Variants in TMEM178B observed in about 807,000 individuals in gnomAD.
The protein encoded by TMEM178B is transmembrane protein 178B.
A neutral mutation model predicts 31.0 loss-of-function variants in TMEM178B; 5 were observed. The ratio of observed to expected loss-of-function variants is 0.16; its 90% CI spans 0.08 to 0.34. The LOEUF is 0.34. Ranked by LOEUF, TMEM178B falls within the 10% of genes least tolerant of loss-of-function variation. The pLI is 1.00. For missense variants in TMEM178B, 275 were observed against 400.3 expected (o/e 0.69, Z 2.67); for synonymous variants, 164 against 164.0 (o/e 1.00, Z 0.00).
At chr7:141,302,390 A>T (rs1798743440) in intron 2 of TMEM178B, among the ~76,000 whole-genome samples, 1 of 152,240 alleles carries the variant, frequency 6.6e-6, no homozygotes, top group African/African-American at 2.4e-5. Flanking sequence ...TTATATGAGT[A>T]TGCATAGTTA....
rs923148158 is a variant in TMEM178B at position 141,478,429 on chromosome 7, A to C, written c.*7643A>C. 6.6e-6 allele frequency: 1 copy of C among 152,154 alleles called. No individual in the cohort carries two copies. Among genetic ancestry groups the C allele is most frequent in the Non-Finnish European group, 1.5e-5 (1 of 68,038 alleles). The allele number at this position is 152,154 out of a possible 1,614,324, so 9.4% of individuals were successfully genotyped here. On this transcript the variant is annotated 3_prime_UTR_variant, in exon 4 of 4. Coordinates refer to ENST00000565468, the MANE Select transcript of TMEM178B (RefSeq NM_001195278.2). ...ATGATTAGAGGCACCTTCAATCCCA[A>C]CTTTCCTCTCCTCTGCTGGGTCACA...
At chr7:141,340,773 G>A (rs1303332949) in intron 2 of TMEM178B, among the ~76,000 whole-genome samples, 1 of 152,106 alleles carries the variant, frequency 6.6e-6, no homozygotes, top group East Asian at 1.9e-4. Context: ...GGTCATTGAC[G>A]GATTTTATAA....
chr7:141,419,584 A>G (rs1801162957), intron 2 of TMEM178B, among the ~76,000 whole-genome samples: 4 of 152,202 alleles, frequency 2.6e-5, no homozygotes, highest in Admixed American at 6.5e-5. Flanking sequence ...AGAGAAAACA[A>G]AAACCTAACC....
chr7:141,467,708 TG>T (rs1212541631), intron 3 of TMEM178B, among the ~76,000 whole-genome samples: 1 of 152,218 alleles, frequency 6.6e-6, no homozygotes, highest in East Asian at 1.9e-4. Flanking sequence ...GCCCAGTATC[TG>T]GGGCTTCATT....
intron 2 of TMEM178B, among the ~76,000 whole-genome samples, chr7:141,262,733 A>G (rs895637996): frequency 6.6e-6 from 1 of 152,098 alleles, no homozygotes; most frequent in African/African-American, 2.4e-5. Flanking sequence ...ATGCAATTTA[A>G]AGGAAAGCCA....
At chr7:141,445,326 A>G (rs1417520448) in intron 3 of TMEM178B, among the ~76,000 whole-genome samples, 1 of 152,212 alleles carries the variant, frequency 6.6e-6, no homozygotes, top group Non-Finnish European at 1.5e-5. Flanking sequence ...ATACAAGCCT[A>G]AAATGAGAAG....
intron 2 of TMEM178B, among the ~76,000 whole-genome samples, chr7:141,436,028 C>T (rs1801531782): frequency 2.0e-5 from 3 of 152,158 alleles, no homozygotes; most frequent in Non-Finnish European, 4.4e-5. Context: ...CCAACTTCCT[C>T]CCTGGCCGGG....
chr7:141,354,763 G>A (rs1799790544), intron 2 of TMEM178B, among the ~76,000 whole-genome samples: 2 of 151,962 alleles, frequency 1.3e-5, no homozygotes, highest in Admixed American at 6.6e-5. Context: ...TTCCATTTCT[G>A]TGTCCTTTGT....
intron 2 of TMEM178B, among the ~76,000 whole-genome samples, chr7:141,269,517 A>G (rs1370023448): frequency 6.6e-6 from 1 of 152,226 alleles, no homozygotes; most frequent in Admixed American, 6.5e-5. Context: ...GATGAACTGA[A>G]TGGCTGATAT....
chr7:141,446,654 A>G (rs1164060836), intron 3 of TMEM178B, among the ~76,000 whole-genome samples: 1 of 152,116 alleles, frequency 6.6e-6, no homozygotes, highest in Non-Finnish European at 1.5e-5. Context: ...CCAGTCCAGG[A>G]CCAAAAGAGT....
intron 3 of TMEM178B, among the ~76,000 whole-genome samples, chr7:141,452,873 C>T (rs1196157748): frequency 6.6e-6 from 1 of 152,150 alleles, no homozygotes; most frequent in African/African-American, 2.4e-5. Context: ...CATTGTGGCT[C>T]CCAGTTATTA....
intron 1 of TMEM178B, among the ~76,000 whole-genome samples, chr7:141,173,679 T>C (rs553984131): frequency 6.6e-6 from 1 of 152,322 alleles, no homozygotes; most frequent in South Asian, 2.1e-4. Flanking sequence ...TGAATTTGTG[T>C]TGAGGGAAGG....
rs190782573 is a variant in TMEM178B at position 141,087,658 on chromosome 7, G to A, written c.382+12966G>A. Among the ~76,000 whole-genome samples the A allele has an allele frequency of 5.3e-5, 8 of 152,292 alleles. No individual in the cohort carries two copies. The East Asian group carries it at 9.6e-4, about 18-fold the overall frequency. ...TGAGAATTGATAAAAAAGAAATAGAGTATATTTGTCTTCTTTAGCAGTTTT... is the reference window on the plus strand; with the variant it reads ...TGAGAATTGATAAAAAAGAAATAGAATATATTTGTCTTCTTTAGCAGTTTT... On this transcript the variant is annotated intron_variant, in intron 1 of 3. Coordinates refer to ENST00000565468, the MANE Select transcript of TMEM178B (RefSeq NM_001195278.2).
chr7:141,403,079 T>A (rs141977711), intron 2 of TMEM178B, among the ~76,000 whole-genome samples: 446 of 152,350 alleles, frequency 2.9e-3, no homozygotes, highest in Non-Finnish European at 4.8e-3. Flanking sequence ...AGATTGGCTT[T>A]GAGGCCACAG....
intron 1 of TMEM178B, among the ~76,000 whole-genome samples, chr7:141,143,749 G>A (rs917908569): frequency 3.3e-5 from 5 of 151,902 alleles, no homozygotes; most frequent in Non-Finnish European, 5.9e-5. Flanking sequence ...TCTAGTCTGC[G>A]AAAAATGACT....
chr7:141,106,415 C>G (rs1241321242), intron 1 of TMEM178B, among the ~76,000 whole-genome samples: 4 of 152,196 alleles, frequency 2.6e-5, no homozygotes, highest in Non-Finnish European at 4.4e-5. Context: ...ATGCATCTAA[C>G]TTTTAAAGTG....
chr7:141,459,768 C>CATTT (rs765639203), intron 3 of TMEM178B, among the ~76,000 whole-genome samples: 62 of 152,206 alleles, frequency 4.1e-4, no homozygotes, highest in South Asian at 1.9e-3. Flanking sequence ...TGTCCCCTTC[C>CATTT]ATTTGCTCAG....
At chr7:141,202,500 C>T (rs1796894031) in intron 1 of TMEM178B, among the ~76,000 whole-genome samples, 2 of 152,064 alleles carry the variant, frequency 1.3e-5, no homozygotes, top group East Asian at 1.9e-4. Flanking sequence ...ACTCAGTCTA[C>T]GCAATGCATA....
At chr7:141,127,232 T>C (rs1795513299) in intron 1 of TMEM178B, among the ~76,000 whole-genome samples, 1 of 152,224 alleles carries the variant, frequency 6.6e-6, no homozygotes, top group Non-Finnish European at 1.5e-5. Flanking sequence ...GATAGACCTT[T>C]TGAGTTTTTA....
Sources: allele counts gnomAD v4.1 joint callset (sites outside exome capture counted in the v4.1 genomes callset), GRCh38; gene constraint gnomAD v4.1.1; transcripts MANE v1.5; gene names NCBI Gene and HGNC (gene_info 2026-07-23, HGNC 2026-07-21).